Variants in DENND4A observed in about 807,000 individuals in gnomAD.
DENND4A encodes the protein DENN domain containing 4A.
Under a neutral mutation model 199.3 loss-of-function variants are expected in DENND4A, and 70 were observed. The observed-to-expected ratio is 0.35, with a 90% CI of 0.29 to 0.43. The LOEUF (loss-of-function observed/expected upper bound fraction) is 0.43. DENND4A is among the 20% of genes least tolerant of loss of function. The pLI is 1.00. For missense variants in DENND4A, 1,723 were observed against 2,255.8 expected (o/e 0.76, Z 4.78); for synonymous variants, 686 against 766.9 (o/e 0.89, Z 1.74).
At chr15:65,701,986 G>C in intron 17 of DENND4A, 96 bp from the exon 18 acceptor site, 1 of 1,522,182 alleles carries the variant, frequency 6.6e-7, no homozygotes, top group Non-Finnish European at 9.0e-7. Flanking sequence ...ATTGTGGCAG[G>C]GCACAGTGGC....
chr15:65,765,031 C>A (rs1168641361), intron 1 of DENND4A, among the ~76,000 whole-genome samples: 2 of 149,824 alleles, frequency 1.3e-5, no homozygotes, highest in Non-Finnish European at 3.0e-5. Flanking sequence ...TTAGCATTCA[C>A]AATAATATCA....
intron 1 of DENND4A, among the ~76,000 whole-genome samples, chr15:65,779,201 A>T (rs1304751584): frequency 1.3e-5 from 2 of 152,182 alleles, no homozygotes; most frequent in Non-Finnish European, 2.9e-5. Flanking sequence ...CACACCTGTA[A>T]TCCCAGCACT....
intron 22 of DENND4A, among the ~76,000 whole-genome samples, chr15:65,694,100 C>T (rs2077061514): frequency 6.6e-6 from 1 of 152,134 alleles, no homozygotes; most frequent in Non-Finnish European, 1.5e-5. Flanking sequence ...TTAAACTTCT[C>T]TGTGGTTGAA....
chr15:65,729,390 G>T, intron 10 of DENND4A, 143 bp from the exon 11 acceptor site: 1 of 1,366,220 alleles, frequency 7.3e-7, no homozygotes, highest in Non-Finnish European at 1.0e-6. Flanking sequence ...TAGAGTTAAT[G>T]GTCAGGAAAT....
Position 65,718,013 on chromosome 15 carries a change from T to C in DENND4A, c.1589-17A>G. 1 of 1,542,360 alleles carries C rather than the reference T, an allele frequency of 6.5e-7. No individual in the cohort carries two copies. The highest frequency in any genetic ancestry group is 8.8e-7 in the Non-Finnish European group (1 of 1,139,982). On this transcript the variant is annotated splice_polypyrimidine_tract_variant and intron_variant, in intron 12 of 32. Coordinates refer to ENST00000443035, the MANE Select transcript of DENND4A (RefSeq NM_001320835.1). ...TCTGCTGCACTGTGAAGACATACAG[T>C]GTTAGTGTTTTCTCCAAACTCACAA...
intron 2 of DENND4A, among the ~76,000 whole-genome samples, chr15:65,760,848 C>A (rs1450770802): frequency 3.3e-5 from 5 of 152,026 alleles, no homozygotes; most frequent in African/African-American, 1.2e-4. Flanking sequence ...AAGATCAACG[C>A]CACTGCACTC....
chr15:65,762,096 C>T lies in DENND4A; in HGVS notation c.-101-658G>A, dbSNP rs990782678. On this transcript the variant is annotated intron_variant, in intron 1 of 32. Coordinates refer to ENST00000443035, the MANE Select transcript of DENND4A (RefSeq NM_001320835.1). ...GATCTCGGCTCACCGCAACCTCCACCTCCTGGGTTCAAGAGATTCTCCTGC... is the reference window on the plus strand; with the variant it reads ...GATCTCGGCTCACCGCAACCTCCACTTCCTGGGTTCAAGAGATTCTCCTGC... 1.6e-4 allele frequency among the ~76,000 whole-genome samples: 25 copies of T among 152,252 alleles called. 1 individual carries two copies. Among genetic ancestry groups the T allele is most frequent in the Non-Finnish European group, 1.5e-4 (10 of 68,018 alleles).
In DENND4A at chr15:65,690,678, G is replaced by T; in HGVS notation, c.3916C>A (p.Leu1306Ile). The T allele has an allele frequency of 6.2e-7, 1 of 1,613,684 alleles. No individual in the cohort carries two copies. The highest frequency in any genetic ancestry group is 8.5e-7 in the Non-Finnish European group (1 of 1,179,776). Residue 1306 changes from leucine to isoleucine, a missense_variant, in exon 23 of 33, where the codon CTT becomes ATT. By Grantham distance (5) the Leu-to-Ile change is conservative. This residue lies in a region of DENND4A where 650 missense variants were observed against 738.1 expected (regional missense o/e 0.88). Coordinates refer to ENST00000443035, the MANE Select transcript of DENND4A (RefSeq NM_001320835.1). ...TTTGTGTAACTTTTAGATTTGGTAA[G>T]TCTCACTGGCTTAGGAGAATTAGGA... ...LPPNSPKPVR[L>I]TKSKSYTKSE...
At chr15:65,733,377 T>C (rs1304068214) in intron 7 of DENND4A, among the ~76,000 whole-genome samples, 2 of 152,110 alleles carry the variant, frequency 1.3e-5, no homozygotes, top group Non-Finnish European at 2.9e-5. Context: ...AAAGCAACCA[T>C]AGTGAAAAAT....
chr15:65,754,198 A>G (rs2076642827), intron 3 of DENND4A, among the ~76,000 whole-genome samples: 1 of 152,186 alleles, frequency 6.6e-6, no homozygotes, highest in Non-Finnish European at 1.5e-5. Context: ...TTAAAAAAAA[A>G]TCTTCTCAAT....
At chr15:65,671,986 C>G in intron 24 of DENND4A, 100 bp from the exon 25 acceptor site, 1 of 736,692 alleles carries the variant, frequency 1.4e-6, no homozygotes, top group Admixed American at 2.3e-5. Context: ...AAATGTTAAC[C>G]TATTCCAGTC....
chr15:65,696,298 A>G lies in DENND4A; in HGVS notation c.3082+68T>C, dbSNP rs10519300. On this transcript the variant is annotated intron_variant, in intron 22 of 32. Coordinates refer to ENST00000443035, the MANE Select transcript of DENND4A (RefSeq NM_001320835.1). ...TTGGAGAATTAAGACTATTAAAAAA[A>G]TAAGTATTCACTAGTCATACAGATA... is the stretch of plus-strand genomic sequence containing the variant. 0.011 allele frequency: 16,744 copies of G among 1,523,774 alleles called. 1,331 individuals carry two copies. In the African/African-American group the frequency reaches 0.19, roughly 17 times the overall value. The allele number at this position is 1,523,774 out of a possible 1,614,324, so 94.4% of individuals were successfully genotyped here.
At chr15:65,711,657 A>C (rs1005217978) in intron 14 of DENND4A, among the ~76,000 whole-genome samples, 5 of 152,208 alleles carry the variant, frequency 3.3e-5, no homozygotes, top group Non-Finnish European at 5.9e-5. Flanking sequence ...GGTGATGAAA[A>C]TATTTGGAAC....
chr15:65,697,299 T>C lies in DENND4A; in HGVS notation c.2918A>G (p.Glu973Gly). Residue 973 changes from glutamate (E) to glycine (G), a missense_variant, in exon 21 of 33, where the codon GAA (glutamate) becomes GGA (glycine). Around this residue, in one of 6 missense-constraint regions of DENND4A, gnomAD observed 650 missense variants for 738.1 expected, o/e 0.88. Coordinates refer to ENST00000443035, the MANE Select transcript of DENND4A (RefSeq NM_001320835.1). ...GDTSTEDIQEEKDKKGSDCSS... is the reference protein window; with the variant it reads ...GDTSTEDIQEGKDKKGSDCSS... Reference sequence around the variant, plus strand: ...ACAATCACTCCCTTTTTTATCTTTTTCTTCTTGAATGTCTTCAGTAGATGT... The same window carrying C: ...ACAATCACTCCCTTTTTTATCTTTTCCTTCTTGAATGTCTTCAGTAGATGT... The C allele has an allele frequency of 6.2e-7, 1 of 1,601,920 alleles. No homozygotes were observed. The highest frequency in any genetic ancestry group is 8.5e-7 in the Non-Finnish European group (1 of 1,171,760).
intron 3 of DENND4A, among the ~76,000 whole-genome samples, chr15:65,753,547 C>A (rs1286473827): frequency 6.6e-6 from 1 of 151,960 alleles, no homozygotes; most frequent in Non-Finnish European, 1.5e-5. Context: ...TTAGTAGAGA[C>A]AAAGTTTCAC....
chr15:65,750,278 A>G (rs1426301992), intron 4 of DENND4A, among the ~76,000 whole-genome samples: 1 of 152,214 alleles, frequency 6.6e-6, no homozygotes, highest in Non-Finnish European at 1.5e-5. Flanking sequence ...TGAGAGCTAA[A>G]TATTGGGTAT....
chr15:65,690,987 C>G lies in DENND4A; in HGVS notation c.3607G>C (p.Glu1203Gln). Residue 1203 changes from glutamate (E) to glutamine (Q), a missense_variant, in exon 23 of 33, where the codon GAA becomes CAA. Glu to Gln is a conservative substitution (Grantham distance 29). Transcript: ENST00000443035. ...AATCCTGTTGCGACATCAGTTTTTT[C>G]AAAAGGTTTTACTGAAAAGCTGCTG... ...MNSSFSVKPFEKTDVATGFDP... is the reference protein window; with the variant it reads ...MNSSFSVKPFQKTDVATGFDP... 1 of 1,606,692 alleles carries G rather than the reference C, an allele frequency of 6.2e-7. No homozygotes were observed. The highest frequency in any genetic ancestry group is 2.2e-5 in the East Asian group (1 of 44,788).
chr15:65,775,496 C>T (rs1352199911), intron 1 of DENND4A, among the ~76,000 whole-genome samples: 2 of 151,550 alleles, frequency 1.3e-5, no homozygotes, highest in South Asian at 4.2e-4. Context: ...CAAAAATTAG[C>T]CGGGTGTGGT....
chr15:65,725,671 T>C (rs77520081), intron 11 of DENND4A, among the ~76,000 whole-genome samples: 27,334 of 141,946 alleles, frequency 0.19, 3,640 homozygotes, highest in East Asian at 0.73. Context: ...AGTGAGACTC[T>C]GTCTCAAAAA....
Sources: allele counts gnomAD v4.1 joint callset (sites outside exome capture counted in the v4.1 genomes callset), GRCh38; gene constraint gnomAD v4.1.1; regional missense constraint gnomAD v4.1.1; transcripts MANE v1.5; gene names NCBI Gene and HGNC (gene_info 2026-07-23, HGNC 2026-07-21).